Variants in RANBP9 observed in about 807,000 individuals in gnomAD.
RANBP9 encodes RAN binding protein 9.
A neutral mutation model predicts 84.3 loss-of-function variants in RANBP9; 15 were observed. That is an observed-to-expected ratio of 0.18 (90% confidence interval 0.12 to 0.27). RANBP9 has a LOEUF of 0.27. Among genes scored for constraint, RANBP9 ranks in the 10% least tolerant of loss-of-function variants. RANBP9 has a pLI of 1.00. For synonymous variants in RANBP9, 392 were observed against 349.6 expected, an observed-to-expected ratio of 1.12 and a Z score of -1.35; for missense variants, 809 against 912.8, an observed-to-expected ratio of 0.89 and a Z score of 1.46.
chr6:13,636,878 A>C lies in RANBP9; in HGVS notation c.1673+930T>G, dbSNP rs149140865. Among the ~76,000 whole-genome samples the C allele has an allele frequency of 2.7e-3, 411 of 152,244 alleles. 2 individuals are homozygous for C. Among genetic ancestry groups the C allele is most frequent in the African/African-American group, 9.6e-3 (400 of 41,546 alleles). ...AAATACAGATTTTTTTTTACATACA[A>C]TCCTTTCTGCAAAATCATATTTCCA... On this transcript the variant is annotated intron_variant, in intron 10 of 13. Coordinates refer to ENST00000011619, the MANE Select transcript of RANBP9 (RefSeq NM_005493.3).
In RANBP9 at chr6:13,711,477, G is replaced by T. The variant is rs774118991; in HGVS notation, c.29C>A (p.Pro10Gln). 1.6e-4 allele frequency: 191 copies of T among 1,181,556 alleles called. No individual in the cohort carries two copies. Among genetic ancestry groups the T allele is most frequent in the East Asian group, 5.5e-4 (15 of 27,306 alleles). 73.2% of individuals were successfully genotyped at this position (1,181,556 alleles called of 1,614,324 possible). The change falls in exon 1 of 14, where the codon CCG becomes CAG. Residue 10 changes from proline (P) to glutamine (Q), a missense_variant. Physicochemically the swap from Pro to Gln is moderately conservative, Grantham distance 76. Transcript: ENST00000011619. MSGQPPPPP[P>Q]QQQQQQQQLS... ...CTGCTGCTGCTGTTGCTGCTGCTGC[G>T]GCGGCGGCGGCGGCGGCTGCCCGGA... is the stretch of plus-strand genomic sequence containing the variant.
chr6:13,697,276 T>C (rs1168930600), intron 1 of RANBP9, among the ~76,000 whole-genome samples: 2 of 152,202 alleles, frequency 1.3e-5, no homozygotes, highest in Non-Finnish European at 2.9e-5. Flanking sequence ...GCATATAACT[T>C]ATATAATTTC....
intron 13 of RANBP9, among the ~76,000 whole-genome samples, chr6:13,625,040 T>G (rs377356725): frequency 1.3e-5 from 2 of 152,236 alleles, no homozygotes; most frequent in Admixed American, 6.5e-5. Flanking sequence ...TGCCCTCTAC[T>G]GGATCAGTTT....
rs79525956 is a variant in RANBP9 at position 13,664,751 on chromosome 6, C to T, written c.684-5919G>A. Among the ~76,000 whole-genome samples the T allele has an allele frequency of 2.5e-3, 373 of 152,086 alleles. 2 individuals are homozygous for T. The highest frequency in any genetic ancestry group is 8.6e-3 in the African/African-American group (355 of 41,510). ...CCCCAAAACATGGACACCTATTATG[C>T]AGCTATAAAAAATTTAAATTAAATA... On this transcript the variant is annotated intron_variant, in intron 2 of 13. Coordinates refer to ENST00000011619, the MANE Select transcript of RANBP9 (RefSeq NM_005493.3).
intron 12 of RANBP9, 133 bp from the exon 13 acceptor site, chr6:13,625,897 C>A: frequency 1.7e-6 from 1 of 577,744 alleles, no homozygotes; most frequent in South Asian, 2.1e-5. Flanking sequence ...CCATTTACTC[C>A]CAGCACTGGG....
chr6:13,642,464 C>A lies in RANBP9; in HGVS notation c.1225+15G>T, dbSNP rs763934859. On this transcript the variant is annotated intron_variant, in intron 7 of 13. Coordinates refer to ENST00000011619, the MANE Select transcript of RANBP9 (RefSeq NM_005493.3). ...TCTGAAAACAAATGTTAGCCATGCA[C>A]CACAGTGTCCTTACTTTGTCTATTC... The A allele has an allele frequency of 1.4e-6, 2 of 1,447,940 alleles. No individual in the cohort carries two copies. The highest frequency in any genetic ancestry group is 1.9e-6 in the Non-Finnish European group (2 of 1,058,846). The allele number at this position is 1,447,940 out of a possible 1,614,324, so 89.7% of individuals were successfully genotyped here. A position where few individuals can be genotyped will look rare whatever the true frequency, so the allele number is the denominator to read the frequency against.
At chr6:13,651,300 T>C (rs987813808) in intron 5 of RANBP9, among the ~76,000 whole-genome samples, 5 of 152,174 alleles carry the variant, frequency 3.3e-5, no homozygotes, top group African/African-American at 1.2e-4. Context: ...AGAGTTACTG[T>C]AACCCCTTGC....
intron 2 of RANBP9, among the ~76,000 whole-genome samples, chr6:13,683,909 C>T (rs1389304311): frequency 1.3e-5 from 2 of 150,612 alleles, no homozygotes; most frequent in South Asian, 2.1e-4. Flanking sequence ...GGTTATATAT[C>T]TTTAGGTCAC....
rs189939935 is a variant in RANBP9, at chr6:13,637,751, G to T, written c.1673+57C>A. ...CAAGTTCTTTCAAAATTATTACAAC[G>T]ATTACACCTATAACTAGGTTGCTTA... On this transcript the variant is annotated intron_variant, in intron 10 of 13. Transcript: ENST00000011619. 14 of 1,427,388 alleles carry T rather than the reference G, an allele frequency of 9.8e-6. No individual in the cohort carries two copies. The South Asian group carries it at 1.5e-4, about 15-fold the overall frequency. The allele number at this position is 1,427,388 out of a possible 1,614,324, so 88.4% of individuals were successfully genotyped here. A position where few individuals can be genotyped will look rare whatever the true frequency, so the allele number is the denominator to read the frequency against.
intron 10 of RANBP9, among the ~76,000 whole-genome samples, chr6:13,636,296 T>C (rs1764938610): frequency 6.6e-6 from 1 of 152,256 alleles, no homozygotes; most frequent in Non-Finnish European, 1.5e-5. Context: ...GCTCTACATC[T>C]GTAAAATGGT....
intron 10 of RANBP9, among the ~76,000 whole-genome samples, chr6:13,637,498 T>A (rs529917953): frequency 1.3e-5 from 2 of 152,344 alleles, no homozygotes; most frequent in South Asian, 4.1e-4. Flanking sequence ...ATGGCATTTA[T>A]GTGATCATTT....
At chr6:13,683,531 C>T (rs1766094515) in intron 2 of RANBP9, among the ~76,000 whole-genome samples, 1 of 151,940 alleles carries the variant, frequency 6.6e-6, no homozygotes. Flanking sequence ...TTTAATCTCT[C>T]ATGTGACTCA....
At chr6:13,694,200 T>C (rs934692382) in intron 2 of RANBP9, among the ~76,000 whole-genome samples, 3 of 152,226 alleles carry the variant, frequency 2.0e-5, no homozygotes, top group Admixed American at 6.5e-5. Context: ...AGAAAACTTA[T>C]GTTTACACAA....
rs774942732 is a variant in RANBP9 at position 13,622,449 on chromosome 6, C to T, written c.2103G>A (p.Met701Ile). 1 of 1,600,246 alleles carries T rather than the reference C, an allele frequency of 6.2e-7. No homozygotes were observed. Among genetic ancestry groups the T allele is most frequent in the Non-Finnish European group, 8.5e-7 (1 of 1,173,716 alleles). Residue 701 changes from methionine to isoleucine, a missense_variant, in exon 14 of 14, where the codon ATG becomes ATA. By Grantham distance (10) the Met-to-Ile change is conservative. Coordinates refer to ENST00000011619, the MANE Select transcript of RANBP9 (RefSeq NM_005493.3). ...GTCCTAGACATTGTGTGGCCTGTCC[C>T]ATTGCTAGGGCAAGTGGAGGTTGCT... ...LPKQPPLALA[M>I]GQATQCLGLM...
chr6:13,622,389 A>C lies in RANBP9; in HGVS notation c.2163T>G (p.Phe721Leu), dbSNP rs750547754. 6.3e-7 allele frequency: 1 copy of C among 1,597,260 alleles called. No individual in the cohort carries two copies. The highest frequency in any genetic ancestry group is 1.1e-5 in the South Asian group (1 of 88,544). ...AATGTAGGTAGTCTTCCACTGTGGC[A>C]AATGCGCAGGATCCAATTCCTGATC... ...MARSGIGSCA[F>L]ATVEDYLH Residue 721 changes from phenylalanine (F) to leucine (L), a missense_variant, in exon 14 of 14, where the codon TTT becomes TTG. Phe to Leu is a conservative substitution (Grantham distance 22). This residue lies in a region of RANBP9 where 233 missense variants were observed against 234.4 expected (regional missense o/e 0.99). Transcript: ENST00000011619.
chr6:13,651,801 A>C (rs867541576), intron 5 of RANBP9, among the ~76,000 whole-genome samples: 1 of 152,046 alleles, frequency 6.6e-6, no homozygotes, highest in African/African-American at 2.4e-5. Context: ...ACTCAGAGTA[A>C]ATTTCCAAGC....
At chr6:13,688,639 C>G (rs1766246433) in intron 2 of RANBP9, among the ~76,000 whole-genome samples, 1 of 151,956 alleles carries the variant, frequency 6.6e-6, no homozygotes, top group South Asian at 2.1e-4. Context: ...ATAACAGGTA[C>G]TCGACAAACT....
At chr6:13,674,491 T>A (rs1289120398) in intron 2 of RANBP9, among the ~76,000 whole-genome samples, 1 of 152,210 alleles carries the variant, frequency 6.6e-6, no homozygotes, top group African/African-American at 2.4e-5. Context: ...AGGGTCGTGA[T>A]CAACTCAGTA....
chr6:13,686,881 T>C (rs893082261), intron 2 of RANBP9, among the ~76,000 whole-genome samples: 16 of 152,086 alleles, frequency 1.1e-4, no homozygotes, highest in South Asian at 6.2e-4. Flanking sequence ...CAAGGACTAA[T>C]TAACCCCCCA....
Sources: allele counts gnomAD v4.1 joint callset (sites outside exome capture counted in the v4.1 genomes callset), GRCh38; gene constraint gnomAD v4.1.1; regional missense constraint gnomAD v4.1.1; transcripts MANE v1.5; gene names NCBI Gene and HGNC (gene_info 2026-07-23, HGNC 2026-07-21).